The following CADPS variants were observed in gnomAD, a reference collection of about 807,000 sequenced individuals.
The protein encoded by CADPS is calcium dependent secretion activator.
A neutral mutation model predicts 167.3 loss-of-function variants in CADPS; 57 were observed. That is an observed-to-expected ratio of 0.34 (90% CI 0.28 to 0.42). The LOEUF is 0.42. CADPS is among the 20% of genes least tolerant of loss of function. The probability of loss-of-function intolerance (pLI) is 1.00; values close to 1 mark genes in which losing one functional copy is unlikely to be tolerated. For synonymous variants in CADPS, 676 were observed against 635.3 expected, an observed-to-expected ratio of 1.06 and a Z score of -0.96; for missense variants, 1,414 against 1,738.1, an observed-to-expected ratio of 0.81 and a Z score of 3.32.
intron 12 of CADPS, among the ~76,000 whole-genome samples, chr3:62,535,543 A>T (rs982885796): frequency 6.6e-6 from 1 of 152,026 alleles, no homozygotes; most frequent in African/African-American, 2.4e-5. Flanking sequence ...TATTACATAG[A>T]GATATTCTTC....
intron 1 of CADPS, among the ~76,000 whole-genome samples, chr3:62,855,817 T>C (rs1284357825): frequency 1.3e-5 from 2 of 152,132 alleles, no homozygotes; most frequent in Non-Finnish European, 2.9e-5. Context: ...TTTTGTTTCT[T>C]AAAAGAAGAG....
Position 62,465,630 on chromosome 3 carries a change from C to T in CADPS, c.3553-180G>A, listed in dbSNP as rs573123399. Among the ~76,000 whole-genome samples, 1 of 152,312 alleles carries T rather than the reference C, an allele frequency of 6.6e-6. No homozygotes were observed. The highest frequency in any genetic ancestry group is 1.9e-4 in the East Asian group (1 of 5,190). On this transcript the variant is annotated intron_variant, in intron 25 of 29. Transcript: ENST00000383710. The surrounding 1 kb of genome is among the most constrained non-coding windows in gnomAD (Gnocchi z 4.1). ...ACTGCCTTTACATAGAAATATTTGA[C>T]TTATCCGGCTTTCTCTTCATTATTA...
At chr3:62,581,302 C>T (rs1334631876) in intron 8 of CADPS, among the ~76,000 whole-genome samples, 2 of 152,016 alleles carry the variant, frequency 1.3e-5, no homozygotes, top group Admixed American at 1.3e-4. Flanking sequence ...TGCTACCTTC[C>T]CCTAAAACCA....
At chr3:62,576,699 G>A (rs1453359150) in intron 8 of CADPS, among the ~76,000 whole-genome samples, 2 of 137,092 alleles carry the variant, frequency 1.5e-5, no homozygotes, top group South Asian at 2.4e-4. Flanking sequence ...GCTGAGGTAC[G>A]AGAATCAGTT....
At chr3:62,576,877 G>A (rs1035978429) in intron 8 of CADPS, among the ~76,000 whole-genome samples, 3 of 150,014 alleles carry the variant, frequency 2.0e-5, no homozygotes, top group Non-Finnish European at 4.4e-5. Flanking sequence ...AGGAAAGTGA[G>A]GTACACATGT....
chr3:62,628,201 G>C (rs2064490758), intron 6 of CADPS, among the ~76,000 whole-genome samples: 2 of 152,184 alleles, frequency 1.3e-5, no homozygotes, highest in African/African-American at 4.8e-5. Flanking sequence ...ATACCAGTTT[G>C]TATTACTGCA....
intron 1 of CADPS, among the ~76,000 whole-genome samples, chr3:62,785,304 T>C (rs2152693207): frequency 6.6e-6 from 1 of 152,332 alleles, no homozygotes; most frequent in Non-Finnish European, 1.5e-5. Flanking sequence ...CAGGTCTATT[T>C]ATAGCAATGT....
Position 62,466,503 on chromosome 3 carries a change from A to C in CADPS, c.3478-90T>G, listed in dbSNP as rs745490565. On this transcript the variant is annotated intron_variant, in intron 24 of 29. Coordinates refer to ENST00000383710, the MANE Select transcript of CADPS (RefSeq NM_003716.4). ...TTTTTAGACAACTTAATTTATAAAT[A>C]AAGCCTGGCCTGCGGACCCCGTTTA... is the stretch of plus-strand genomic sequence containing the variant. 12 of 830,472 alleles carry C rather than the reference A, an allele frequency of 1.4e-5. No homozygotes were observed. The East Asian group carries it at 2.6e-4, about 18-fold the overall frequency. The allele number at this position is 830,472 out of a possible 1,614,324, so 51.4% of individuals were successfully genotyped here.
intron 1 of CADPS, among the ~76,000 whole-genome samples, chr3:62,782,360 C>T (rs2091793903): frequency 6.6e-6 from 1 of 152,168 alleles, no homozygotes; most frequent in Non-Finnish European, 1.5e-5. Flanking sequence ...TTAAGCATCA[C>T]TATGTGCCAA....
At chr3:62,727,783 T>C (rs1023066345) in intron 3 of CADPS, among the ~76,000 whole-genome samples, 2 of 151,820 alleles carry the variant, frequency 1.3e-5, no homozygotes, top group Admixed American at 1.3e-4. Context: ...CTGATGGGAA[T>C]TGGATAAAGG....
rs759523317 is a variant in CADPS, at chr3:62,478,044, A to G, written c.3329+217T>C. 8.8e-5 allele frequency: 46 copies of G among 520,288 alleles called. No homozygotes were observed. Among genetic ancestry groups the G allele is most frequent in the Non-Finnish European group, 1.6e-4 (46 of 292,412 alleles). The allele number at this position is 520,288 out of a possible 1,614,324, so 32.2% of individuals were successfully genotyped here. On this transcript the variant is annotated intron_variant, in intron 23 of 29. Coordinates refer to ENST00000383710, the MANE Select transcript of CADPS (RefSeq NM_003716.4). This position sits in a 1 kb window ranked among gnomAD's most constrained non-coding sequence, Gnocchi z 5.7. ...CCTCTTAAAGCCAACAACCATGAAA[A>G]AATTGGCAGCCAGATTATTTTGGGT...
intron 28 of CADPS, among the ~76,000 whole-genome samples, chr3:62,424,478 T>C (rs1424234176): frequency 6.6e-6 from 1 of 152,166 alleles, no homozygotes; most frequent in East Asian, 1.9e-4. Context: ...CCACCGCGCC[T>C]GGCCTGATAA....
chr3:62,562,913 T>G (rs58967720), intron 9 of CADPS, among the ~76,000 whole-genome samples: 2,548 of 152,334 alleles, frequency 0.017, 53 homozygotes, highest in African/African-American at 0.058. Flanking sequence ...GGAACAATTG[T>G]TAAAGAAAAG....
chr3:62,783,396 A>AT (rs2092001470), intron 1 of CADPS, among the ~76,000 whole-genome samples: 2 of 152,054 alleles, frequency 1.3e-5, no homozygotes, highest in South Asian at 4.1e-4. Context: ...AACCAAGACT[A>AT]TTTCTTATTT....
In CADPS at chr3:62,607,160, T is replaced by C. The variant is rs77714187; in HGVS notation, c.1326-14412A>G. ...TTATGCAGTGCCCAGAGATATTTTATAGCCCTTGCATATTATATAAAGTCC... is the reference window on the plus strand; with the variant it reads ...TTATGCAGTGCCCAGAGATATTTTACAGCCCTTGCATATTATATAAAGTCC... On this transcript the variant is annotated intron_variant, in intron 6 of 29. Transcript: ENST00000383710. 3.4e-3 allele frequency among the ~76,000 whole-genome samples: 521 copies of C among 152,332 alleles called. 3 individuals carry two copies. Among genetic ancestry groups the C allele is most frequent in the African/African-American group, 0.012 (498 of 41,586 alleles).
chr3:62,456,609 T>C (rs929769238), intron 26 of CADPS, among the ~76,000 whole-genome samples: 1 of 152,108 alleles, frequency 6.6e-6, no homozygotes, highest in African/African-American at 2.4e-5. Flanking sequence ...ATGTGATTGG[T>C]CTTGTTTAAT....
chr3:62,483,532 C>A (rs1374039341), intron 21 of CADPS, among the ~76,000 whole-genome samples: 4 of 152,126 alleles, frequency 2.6e-5, no homozygotes, highest in Non-Finnish European at 5.9e-5. Flanking sequence ...AATTGTCTAC[C>A]TGGCATTCTC....
intron 3 of CADPS, among the ~76,000 whole-genome samples, chr3:62,728,945 A>G (rs481319): frequency 0.66 from 100,347 of 151,624 alleles, 35,401 homozygotes; most frequent in African/African-American, 0.91. Context: ...GGTGACCTTC[A>G]TTAGTTCACT....
intron 10 of CADPS, among the ~76,000 whole-genome samples, chr3:62,551,756 C>T (rs1315200862): frequency 6.6e-6 from 1 of 152,054 alleles, no homozygotes; most frequent in African/African-American, 2.4e-5. Flanking sequence ...CAGGCATGTG[C>T]TCACCTCAGT....
Sources: allele counts gnomAD v4.1 joint callset (sites outside exome capture counted in the v4.1 genomes callset), GRCh38; gene constraint gnomAD v4.1.1; non-coding constraint Gnocchi (gnomAD v3.1); transcripts MANE v1.5; gene names NCBI Gene and HGNC (gene_info 2026-07-23, HGNC 2026-07-21).